Variants in KATNAL1 observed in about 807,000 individuals in gnomAD.
KATNAL1 encodes the protein katanin catalytic subunit A1 like 1, also known as katanin p60 ATPase-containing subunit A-like 1.
KATNAL1 carries 32 observed loss-of-function variants against 55.2 expected under a neutral mutation model. The ratio of observed to expected loss-of-function variants is 0.58; its 90% CI spans 0.44 to 0.78. KATNAL1 has a LOEUF of 0.78. Among genes scored for constraint, KATNAL1 ranks in the 30% least tolerant of loss-of-function variants. KATNAL1 has a pLI of 0.00. For synonymous variants in KATNAL1, 193 were observed against 193.6 expected, an observed-to-expected ratio of 1.00 and a Z score of 0.02; for missense variants, 466 against 600.9, an observed-to-expected ratio of 0.78 and a Z score of 2.35.
chr13:30,220,176 A>G (rs1390767335), intron 9 of KATNAL1, among the ~76,000 whole-genome samples: 1 of 152,156 alleles, frequency 6.6e-6, no homozygotes, highest in African/African-American at 2.4e-5. Flanking sequence ...AAAACAAAAC[A>G]TGGGCTGGGC....
At chr13:30,241,238 C>G (rs1877247978) in intron 4 of KATNAL1, 152 bp from the exon 5 acceptor site, 4 of 700,756 alleles carry the variant, frequency 5.7e-6, no homozygotes, top group Non-Finnish European at 7.0e-6. Flanking sequence ...CCATTCTCCT[C>G]TATTTAATTC....
chr13:30,255,542 G>A lies in KATNAL1; in HGVS notation c.397C>T (p.Arg133Trp), dbSNP rs745908511. ...GGATGTGCTCGGCCTACAGGTCCCC[G>A]GGCTCCTACTCCTGCCATTTCTTTC... ...LRKEMAGVGA[R>W]GPVGRAHPIS... is the part of the protein sequence containing the mutation. The change falls in exon 4 of 11, where the codon CGG (arginine) becomes TGG (tryptophan). Residue 133 changes from arginine to tryptophan, a missense_variant. This residue lies in a region of KATNAL1 where 248 missense variants were observed against 275.5 expected (regional missense o/e 0.90). Transcript: ENST00000380615. The A allele has an allele frequency of 4.4e-6, 7 of 1,593,860 alleles. No homozygotes were observed. The highest frequency in any genetic ancestry group is 1.1e-5 in the South Asian group (1 of 89,026).
At chr13:30,284,599 C>T (rs1027087412) in intron 1 of KATNAL1, among the ~76,000 whole-genome samples, 2 of 152,186 alleles carry the variant, frequency 1.3e-5, no homozygotes, top group African/African-American at 4.8e-5. Context: ...ACCATTTATA[C>T]TCATGTAATT....
chr13:30,278,227 C>T (rs375494231), intron 3 of KATNAL1, among the ~76,000 whole-genome samples: 1 of 149,488 alleles, frequency 6.7e-6, no homozygotes, highest in African/African-American at 2.5e-5. Context: ...TTTTTCCAGA[C>T]AATATACAAT....
chr13:30,213,157 A>C (rs1445291072), intron 9 of KATNAL1, among the ~76,000 whole-genome samples: 1 of 152,194 alleles, frequency 6.6e-6, no homozygotes, highest in South Asian at 2.1e-4. Context: ...CTACGCAAAT[A>C]AACTAGAAAA....
chr13:30,208,660 T>C lies in KATNAL1; in HGVS notation c.1353A>G (p.Glu451=), dbSNP rs143184135. The change falls in exon 11 of 11, where the codon GAA becomes GAG. Residue 451 remains glutamate, a synonymous_variant. Transcript: ENST00000380615. ...CTCCTTTGGTAACAGGCATCTGAAG[T>C]TCCTCTTTAGAAAGTGCACGGATTT... is the stretch of plus-strand genomic sequence containing the variant. ...PEEIRALSKE[E]LQMPVTKGDF... 662 of 1,613,834 alleles carry C rather than the reference T, an allele frequency of 4.1e-4. 1 individual carries two copies. Among genetic ancestry groups the C allele is most frequent in the Non-Finnish European group, 5.4e-4 (633 of 1,179,916 alleles).
At chr13:30,227,276 G>T in intron 9 of KATNAL1, 136 bp downstream of exon 9, 1 of 694,152 alleles carries the variant, frequency 1.4e-6, no homozygotes, top group East Asian at 2.6e-5. Context: ...ACTGTGGCCT[G>T]TGTTCACATC....
intron 3 of KATNAL1, among the ~76,000 whole-genome samples, chr13:30,265,045 A>G (rs1879636063): frequency 6.6e-6 from 1 of 151,466 alleles, no homozygotes; most frequent in Non-Finnish European, 1.5e-5. Context: ...ATGCAGCCAT[A>G]AAAAATGATG....
At chr13:30,266,047 C>T (rs1879758505) in intron 3 of KATNAL1, among the ~76,000 whole-genome samples, 1 of 147,648 alleles carries the variant, frequency 6.8e-6, no homozygotes, top group Non-Finnish European at 1.5e-5. Context: ...GTCTCACTCA[C>T]TCTGCCACCC....
chr13:30,284,246 G>A (rs541346009), intron 1 of KATNAL1, among the ~76,000 whole-genome samples: 1 of 152,226 alleles, frequency 6.6e-6, no homozygotes, highest in East Asian at 1.9e-4. Flanking sequence ...TTTCAAATTT[G>A]GAAGTACAAA....
chr13:30,258,036 C>T (rs1286714645), intron 3 of KATNAL1, among the ~76,000 whole-genome samples: 1 of 152,178 alleles, frequency 6.6e-6, no homozygotes, highest in Non-Finnish European at 1.5e-5. Flanking sequence ...GGTCTCAAGG[C>T]TTCTTTTACT....
intron 4 of KATNAL1, among the ~76,000 whole-genome samples, chr13:30,246,702 A>C (rs746862524): frequency 3.3e-5 from 5 of 152,172 alleles, no homozygotes; most frequent in Non-Finnish European, 5.9e-5. Flanking sequence ...CAAGAAAAAA[A>C]CACAAATAAC....
At chr13:30,247,698 G>A (rs560645822) in intron 4 of KATNAL1, among the ~76,000 whole-genome samples, 3 of 152,286 alleles carry the variant, frequency 2.0e-5, no homozygotes, top group African/African-American at 7.2e-5. Context: ...AGAAGAAATG[G>A]ATGCCAGACT....
intron 4 of KATNAL1, among the ~76,000 whole-genome samples, chr13:30,249,941 A>G (rs1296433536): frequency 6.6e-6 from 1 of 152,224 alleles, no homozygotes; most frequent in Non-Finnish European, 1.5e-5. Context: ...TAAATTACAC[A>G]AACTTTGAAT....
At chr13:30,267,293 C>T (rs1299784099) in intron 3 of KATNAL1, among the ~76,000 whole-genome samples, 2 of 152,192 alleles carry the variant, frequency 1.3e-5, no homozygotes, top group Admixed American at 6.5e-5. Flanking sequence ...TATACAACTT[C>T]TACTCTACAG....
intron 8 of KATNAL1, among the ~76,000 whole-genome samples, chr13:30,229,412 C>G (rs1299395290): frequency 1.3e-5 from 2 of 152,024 alleles, no homozygotes; most frequent in Non-Finnish European, 2.9e-5. Flanking sequence ...ATCTCAGGAC[C>G]CTTTTATACT....
intron 4 of KATNAL1, among the ~76,000 whole-genome samples, 187 bp downstream of exon 4, chr13:30,255,260 C>T (rs1290007052): frequency 1.3e-5 from 2 of 152,118 alleles, no homozygotes; most frequent in African/African-American, 2.4e-5. Context: ...ATATTTACTA[C>T]GCCTCTGAGG....
chr13:30,210,566 T>C lies in KATNAL1; in HGVS notation c.1148-124A>G, dbSNP rs905456038. Reference sequence around the variant, plus strand: ...GCAAAGAAGAGTCAATAACTGTGTGTCCATTAGTATTATTACCAATTCACT... The same window carrying C: ...GCAAAGAAGAGTCAATAACTGTGTGCCCATTAGTATTATTACCAATTCACT... On this transcript the variant is annotated intron_variant, in intron 9 of 10. Transcript: ENST00000380615. The C allele has an allele frequency of 8.7e-6, 6 of 688,716 alleles. No homozygotes were observed. The East Asian group carries it at 8.9e-5, about 10-fold the overall frequency. The allele number at this position is 688,716 out of a possible 1,614,324, so 42.7% of individuals were successfully genotyped here. A position where few individuals can be genotyped will look rare whatever the true frequency, so the allele number is the denominator to read the frequency against.
intron 1 of KATNAL1, among the ~76,000 whole-genome samples, chr13:30,298,033 A>G (rs1022836238): frequency 2.0e-5 from 3 of 152,240 alleles, no homozygotes; most frequent in Non-Finnish European, 4.4e-5. Context: ...AAAAATTTTT[A>G]AAGTATTTTT....
Sources: allele counts gnomAD v4.1 joint callset (sites outside exome capture counted in the v4.1 genomes callset), GRCh38; gene constraint gnomAD v4.1.1; regional missense constraint gnomAD v4.1.1; transcripts MANE v1.5; gene names NCBI Gene and HGNC (gene_info 2026-07-23, HGNC 2026-07-21).